CACNG3: variants seen among roughly 807,000 people sequenced by gnomAD.
CACNG3 encodes voltage-dependent calcium channel gamma-3 subunit.
In CACNG3, 3 loss-of-function variants were observed where a neutral mutation model predicts 28.5. The observed-to-expected ratio is 0.11, with a 90% CI of 0.05 to 0.27. The LOEUF is 0.27. Ranked by LOEUF, CACNG3 falls within the 10% of genes least tolerant of loss-of-function variation. The pLI, the probability that CACNG3 is intolerant of heterozygous loss-of-function variation, is 1.00. For synonymous variants in CACNG3, 174 were observed against 162.2 expected, an observed-to-expected ratio of 1.07 and a Z score of -0.55; for missense variants, 236 against 414.4, an observed-to-expected ratio of 0.57 and a Z score of 3.74.
intron 1 of CACNG3, among the ~76,000 whole-genome samples, chr16:24,277,509 T>C (rs1898767186): frequency 6.6e-6 from 1 of 152,124 alleles, no homozygotes; most frequent in Admixed American, 6.5e-5. Flanking sequence ...GTGCGGTGGC[T>C]TACACCCGTG....
chr16:24,340,966 T>A (rs1206635175), intron 1 of CACNG3, among the ~76,000 whole-genome samples: 1 of 152,256 alleles, frequency 6.6e-6, no homozygotes, highest in African/African-American at 2.4e-5. Flanking sequence ...AACTTAAAGC[T>A]GTGCTCTTCT....
At chr16:24,264,184 C>T (rs747301339) in intron 1 of CACNG3, among the ~76,000 whole-genome samples, 5 of 152,220 alleles carry the variant, frequency 3.3e-5, no homozygotes, top group South Asian at 2.1e-4. Context: ...CCCGGCTGCA[C>T]GATGCTTGTG....
At chr16:24,294,947 G>A (rs1420433510) in intron 1 of CACNG3, among the ~76,000 whole-genome samples, 2 of 152,204 alleles carry the variant, frequency 1.3e-5, no homozygotes, top group African/African-American at 4.8e-5. Flanking sequence ...TAGATAGTGA[G>A]TATTCACTAG....
chr16:24,345,141 A>G (rs1231486877), intron 1 of CACNG3, among the ~76,000 whole-genome samples: 1 of 152,162 alleles, frequency 6.6e-6, no homozygotes, highest in African/African-American at 2.4e-5. Flanking sequence ...AAATTATCTC[A>G]TGTTCATGTA....
At chr16:24,317,653 AAAGAAAGAAAG>A (rs1899392112) in intron 1 of CACNG3, among the ~76,000 whole-genome samples, 1 of 60,364 alleles carries the variant, frequency 1.7e-5, no homozygotes, top group East Asian at 4.6e-4. Context: ...AAAAGAAAAG[AAAGAAAGAAAG>A]AAAGAAAGAA....
intron 1 of CACNG3, among the ~76,000 whole-genome samples, chr16:24,307,235 C>T (rs1272278877): frequency 1.3e-5 from 2 of 152,138 alleles, no homozygotes; most frequent in African/African-American, 2.4e-5. Context: ...AATTCTCCTG[C>T]CTCAGCCTCC....
At chr16:24,317,861 G>A (rs1004560704) in intron 1 of CACNG3, among the ~76,000 whole-genome samples, 1 of 152,156 alleles carries the variant, frequency 6.6e-6, no homozygotes, top group East Asian at 1.9e-4. Flanking sequence ...TGAAGCTTCA[G>A]AAGTGCTTCC....
chr16:24,294,304 A>T (rs1429361791), intron 1 of CACNG3, among the ~76,000 whole-genome samples: 2 of 152,160 alleles, frequency 1.3e-5, no homozygotes, highest in Non-Finnish European at 2.9e-5. Context: ...GCCAACACAA[A>T]GGGACACAAC....
rs58450937 is a variant in CACNG3 at position 24,317,616 on chromosome 16, A to C, written c.212-29118A>C. On this transcript the variant is annotated intron_variant, in intron 1 of 3. Coordinates refer to ENST00000005284, the MANE Select transcript of CACNG3 (RefSeq NM_006539.4). Reference sequence around the variant, plus strand: ...AAAGAAAGAAAGAAAGAAAGAAAGAAAGAAAGAAAGACAGACAGAAAGAAA... The same window carrying C: ...AAAGAAAGAAAGAAAGAAAGAAAGACAGAAAGAAAGACAGACAGAAAGAAA... Among the ~76,000 whole-genome samples the C allele has an allele frequency of 6.1e-3, 418 of 68,756 alleles. 17 individuals carry two copies. Among genetic ancestry groups the C allele is most frequent in the African/African-American group, 0.014 (202 of 14,796 alleles). The allele number at this position is 68,756 out of a possible 152,430, so 45.1% of individuals were successfully genotyped here.
intron 1 of CACNG3, among the ~76,000 whole-genome samples, chr16:24,327,657 A>C (rs868150663): frequency 4.0e-5 from 6 of 150,166 alleles, no homozygotes; most frequent in Middle Eastern, 7.3e-3. Flanking sequence ...AACAAAAAAA[A>C]CAGGCCGGGT....
At chr16:24,285,013 CAAA>C (rs370618917) in intron 1 of CACNG3, among the ~76,000 whole-genome samples, 9 of 94,720 alleles carry the variant, frequency 9.5e-5, no homozygotes, top group Non-Finnish European at 1.1e-4. Context: ...GGATTCCCAT[CAAA>C]AAAAAAAAAA....
intron 2 of CACNG3, among the ~76,000 whole-genome samples, chr16:24,353,743 T>C (rs1016406273): frequency 6.6e-6 from 1 of 152,236 alleles, no homozygotes; most frequent in African/African-American, 2.4e-5. Context: ...CGTGACTAAA[T>C]GGGTATTCAA....
chr16:24,318,144 G>C (rs546919001), intron 1 of CACNG3, among the ~76,000 whole-genome samples: 5 of 152,180 alleles, frequency 3.3e-5, no homozygotes, highest in African/African-American at 1.2e-4. Flanking sequence ...CCTAGAGCTG[G>C]GTATGGTGCT....
chr16:24,328,562 T>C (rs910241483), intron 1 of CACNG3, among the ~76,000 whole-genome samples: 2 of 151,486 alleles, frequency 1.3e-5, no homozygotes, highest in Non-Finnish European at 2.9e-5. Context: ...GTGGTGCTTA[T>C]AGTCTAGGAA....
At chr16:24,320,063 T>C (rs1899437030) in intron 1 of CACNG3, among the ~76,000 whole-genome samples, 1 of 152,162 alleles carries the variant, frequency 6.6e-6, no homozygotes, top group South Asian at 2.1e-4. Context: ...TTAACACAAG[T>C]GACTCCATTT....
At position 24,361,617 on chromosome 16, in the gene CACNG3, G is replaced by T; in HGVS notation, c.702G>T (p.Arg234=). The T allele has an allele frequency of 6.2e-7, 1 of 1,613,296 alleles. No homozygotes were observed. Among genetic ancestry groups the T allele is most frequent in the Non-Finnish European group, 8.5e-7 (1 of 1,179,636 alleles). Residue 234 remains arginine, a synonymous_variant, in exon 4 of 4, where the codon CGG becomes CGT. Coordinates refer to ENST00000005284, the MANE Select transcript of CACNG3 (RefSeq NM_006539.4). This position sits in a 1 kb window ranked among gnomAD's most constrained non-coding sequence, Gnocchi z 6.8. ...CCTACAGGTATCGATTCCGGAGGCG[G>T]TCAAGTTCTCGCTCCACCGAGCCCA... ...LPPYRYRFRR[R]SSSRSTEPRS...
intron 1 of CACNG3, among the ~76,000 whole-genome samples, chr16:24,266,631 G>A (rs534985294): frequency 1.3e-5 from 2 of 152,220 alleles, no homozygotes; most frequent in Non-Finnish European, 2.9e-5. Context: ...AGATAAAGGA[G>A]GAGAAGGAGA....
intron 1 of CACNG3, among the ~76,000 whole-genome samples, chr16:24,341,165 G>T (rs1419691792): frequency 3.3e-5 from 5 of 152,226 alleles, no homozygotes; most frequent in Admixed American, 3.3e-4. Context: ...ATTTGTGTGC[G>T]AAAGCACAGG....
chr16:24,346,708 C>CTCAG, intron 1 of CACNG3, 26 bp from the exon 2 acceptor site: 2 of 1,584,902 alleles, frequency 1.3e-6, no homozygotes, highest in East Asian at 4.5e-5. Context: ...CTCCCCCAGG[C>CTCAG]TCAGAACCCT....
Sources: allele counts gnomAD v4.1 joint callset (sites outside exome capture counted in the v4.1 genomes callset), GRCh38; gene constraint gnomAD v4.1.1; non-coding constraint Gnocchi (gnomAD v3.1); transcripts MANE v1.5; gene names NCBI Gene and HGNC (gene_info 2026-07-23, HGNC 2026-07-21).